MARCHF1: variants seen among roughly 807,000 people sequenced by gnomAD.
MARCHF1 encodes E3 ubiquitin-protein ligase MARCHF1.
MARCHF1 carries 40 observed loss-of-function variants against 54.2 expected under a neutral mutation model. The ratio of observed to expected loss-of-function variants is 0.74; its 90% CI spans 0.57 to 0.96. MARCHF1 has a LOEUF of 0.96. Ranked by LOEUF, MARCHF1 falls within the 40% of genes least tolerant of loss-of-function variation. The pLI is 0.00. For synonymous variants in MARCHF1, 236 were observed against 236.3 expected (o/e 1.00, Z 0.01); for missense variants, 586 against 656.5 (o/e 0.89, Z 1.17).
intron 5 of MARCHF1, among the ~76,000 whole-genome samples, chr4:163,640,635 A>C (rs1315997494): frequency 6.6e-6 from 1 of 152,162 alleles, no homozygotes; most frequent in Non-Finnish European, 1.5e-5. Context: ...ATACCAAAAA[A>C]AATTCAGCAA....
chr4:164,163,184 T>G (rs1730286372), intron 1 of MARCHF1, among the ~76,000 whole-genome samples: 1 of 151,746 alleles, frequency 6.6e-6, no homozygotes, highest in South Asian at 2.1e-4. Flanking sequence ...CAGGAAGAAC[T>G]AAAATGCAAG....
At chr4:163,627,418 A>G (rs1368739675) in intron 5 of MARCHF1, among the ~76,000 whole-genome samples, 1 of 152,152 alleles carries the variant, frequency 6.6e-6, no homozygotes, top group Non-Finnish European at 1.5e-5. Context: ...TAATTCTCAT[A>G]TATACCCTAT....
At chr4:164,006,080 A>AAAC (rs2110928782) in intron 2 of MARCHF1, among the ~76,000 whole-genome samples, 1 of 152,256 alleles carries the variant, frequency 6.6e-6, no homozygotes, top group South Asian at 2.1e-4. Context: ...ACAAACAAAA[A>AAAC]AACAACACAG....
At chr4:163,846,767 G>A (rs544860119) in intron 4 of MARCHF1, among the ~76,000 whole-genome samples, 2 of 152,064 alleles carry the variant, frequency 1.3e-5, no homozygotes, top group African/African-American at 4.8e-5. Flanking sequence ...TTTCTAACAA[G>A]CAGAAAAGGT....
intron 1 of MARCHF1, among the ~76,000 whole-genome samples, chr4:164,169,438 C>T (rs985290830): frequency 6.6e-6 from 1 of 152,110 alleles, no homozygotes; most frequent in African/African-American, 2.4e-5. Flanking sequence ...CAGTTAAAGG[C>T]TTTTCATCAT....
At chr4:164,202,668 C>A (rs1296282837) in intron 1 of MARCHF1, among the ~76,000 whole-genome samples, 15 of 152,142 alleles carry the variant, frequency 9.9e-5, no homozygotes, top group Admixed American at 9.8e-4. Context: ...TGATTAAAGT[C>A]CATGATTTCC....
chr4:164,163,081 A>G (rs1391428435), intron 1 of MARCHF1, among the ~76,000 whole-genome samples: 3 of 152,096 alleles, frequency 2.0e-5, no homozygotes, highest in African/African-American at 7.2e-5. Context: ...AAAAAGACAA[A>G]TATTTTGTCA....
intron 2 of MARCHF1, among the ~76,000 whole-genome samples, chr4:164,078,501 C>G (rs1755025698): frequency 6.6e-6 from 1 of 151,566 alleles, no homozygotes; most frequent in Non-Finnish European, 1.5e-5. Flanking sequence ...ATGTTCTGCA[C>G]ATGTACCCCA....
chr4:163,680,952 A>C (rs1744082271), intron 5 of MARCHF1, among the ~76,000 whole-genome samples: 1 of 151,168 alleles, frequency 6.6e-6, no homozygotes, highest in African/African-American at 2.4e-5. Flanking sequence ...ACATACATAC[A>C]CACATATATA....
chr4:163,715,270 G>C (rs1262895852), intron 4 of MARCHF1, among the ~76,000 whole-genome samples: 2 of 152,038 alleles, frequency 1.3e-5, no homozygotes, highest in Non-Finnish European at 2.9e-5. Context: ...TTTTGAGACG[G>C]AGTCTCGCTC....
chr4:163,635,868 C>T (rs545202457), intron 5 of MARCHF1, among the ~76,000 whole-genome samples: 109 of 152,196 alleles, frequency 7.2e-4, no homozygotes, highest in Non-Finnish European at 1.2e-3. Flanking sequence ...AAAACGAATC[C>T]AGCAGCACAT....
intron 4 of MARCHF1, among the ~76,000 whole-genome samples, chr4:163,779,470 GAAAAA>G (rs151012863): frequency 6.6e-6 from 1 of 151,884 alleles, no homozygotes; most frequent in Non-Finnish European, 1.5e-5. Context: ...AAATTTTGTA[GAAAAA>G]AAGTTAGCAT....
At chr4:164,014,944 C>CA (rs2110952077) in intron 2 of MARCHF1, among the ~76,000 whole-genome samples, 1 of 152,216 alleles carries the variant, frequency 6.6e-6, no homozygotes, top group South Asian at 2.1e-4. Context: ...GATACTTCAA[C>CA]ACCCATTTTC....
chr4:163,908,039 A>G (rs757644711), intron 3 of MARCHF1, among the ~76,000 whole-genome samples: 1 of 152,142 alleles, frequency 6.6e-6, no homozygotes, highest in Non-Finnish European at 1.5e-5. Context: ...TGGTAATACA[A>G]GCCAGTGCCT....
Position 163,948,490 on chromosome 4 carries a change from G to T in MARCHF1, c.-39+40011C>A, listed in dbSNP as rs550823948. Among the ~76,000 whole-genome samples, 24 of 152,332 alleles carry T rather than the reference G, an allele frequency of 1.6e-4. No homozygotes were observed. In the South Asian group the frequency reaches 5.0e-3, roughly 32 times the overall value. ...AAATAGCAGAAGCAGGTTAAAAAAA[G>T]TAGTATGTGATTAGTCATCAGGTAT... is the stretch of plus-strand genomic sequence containing the variant. On this transcript the variant is annotated intron_variant, in intron 3 of 9. Transcript: ENST00000514618.
rs777255432 is a variant in MARCHF1, at chr4:163,528,943, C to T, written c.1443G>A (p.Leu481=). The T allele has an allele frequency of 1.2e-6, 2 of 1,613,348 alleles. No homozygotes were observed. Among genetic ancestry groups the T allele is most frequent in the Admixed American group, 1.7e-5 (1 of 59,870 alleles). ...GGTTGTAGGCCTTCAGCCTGCGCCACAACTGAACATAGACTTTACACTGTA... is the reference window on the plus strand; with the variant it reads ...GGTTGTAGGCCTTCAGCCTGCGCCATAACTGAACATAGACTTTACACTGTA... ...MYVQCKVYVQ[L]WRRLKAYNRV... Residue 481 remains leucine (L), a synonymous_variant, in exon 10 of 10, where the codon TTG becomes TTA. Coordinates refer to ENST00000514618, the MANE Select transcript of MARCHF1 (RefSeq NM_001394959.1).
chr4:163,771,393 T>C (rs1299055753), intron 4 of MARCHF1, among the ~76,000 whole-genome samples: 1 of 152,180 alleles, frequency 6.6e-6, no homozygotes, highest in East Asian at 1.9e-4. Flanking sequence ...TGTATCAAAA[T>C]ACCAGCAACT....
intron 4 of MARCHF1, among the ~76,000 whole-genome samples, chr4:163,702,164 T>A (rs1744829550): frequency 1.3e-5 from 2 of 152,198 alleles, no homozygotes; most frequent in Admixed American, 1.3e-4. Flanking sequence ...TGGAGCATGT[T>A]ATTACAGACC....
At chr4:164,300,725 G>C (rs1334108352) in intron 1 of MARCHF1, among the ~76,000 whole-genome samples, 1 of 152,130 alleles carries the variant, frequency 6.6e-6, no homozygotes, top group African/African-American at 2.4e-5. Context: ...ATTTTATCTA[G>C]AGACAGGGTT....
Sources: gnomAD v4.1 joint callset for allele counts (sites outside exome capture counted in the v4.1 genomes callset) on GRCh38, gnomAD v4.1.1 for gene constraint, MANE v1.5 for transcripts, NCBI Gene and HGNC (gene_info 2026-07-23, HGNC 2026-07-21) for gene names.